The following UQCC1 variants were observed in gnomAD, a reference collection of about 807,000 sequenced individuals.
The protein encoded by UQCC1 is ubiquinol-cytochrome c reductase complex assembly factor 1, also known as bFGF-repressed Zic-binding protein.
UQCC1 carries 38 observed loss-of-function variants against 48.0 expected under a neutral mutation model. The observed-to-expected ratio is 0.79, with a 90% CI of 0.61 to 1.04. UQCC1 has a LOEUF of 1.04. Among genes scored for constraint, UQCC1 ranks in the 50% least tolerant of loss-of-function variants. UQCC1 has a pLI of 0.00. For missense variants in UQCC1, 368 were observed against 381.8 expected, an observed-to-expected ratio of 0.96 and a Z score of 0.30; for synonymous variants, 111 against 129.2, an observed-to-expected ratio of 0.86 and a Z score of 0.95.
chr20:35,378,851 A>G (rs1300777861), intron 4 of UQCC1, among the ~76,000 whole-genome samples: 1 of 152,204 alleles, frequency 6.6e-6, no homozygotes, highest in Non-Finnish European at 1.5e-5. Context: ...ACATTCATTG[A>G]ACATTATTCT....
At chr20:35,346,969 T>C in intron 7 of UQCC1, 195 bp downstream of exon 7, 1 of 1,518,694 alleles carries the variant, frequency 6.6e-7, no homozygotes. Context: ...CTATAATGTG[T>C]ACAAACACAT....
intron 6 of UQCC1, among the ~76,000 whole-genome samples, chr20:35,365,066 T>A (rs1339868913): frequency 6.6e-6 from 1 of 152,166 alleles, no homozygotes; most frequent in East Asian, 1.9e-4. Flanking sequence ...GCCTTACCCT[T>A]CACCATTCAG....
At chr20:35,306,543 G>A in intron 9 of UQCC1, 123 bp downstream of exon 9, 6 of 734,698 alleles carry the variant, frequency 8.2e-6, no homozygotes, top group Non-Finnish European at 1.4e-5. Context: ...TAGTGCTGAT[G>A]TGATCTGGTC....
intron 7 of UQCC1, among the ~76,000 whole-genome samples, chr20:35,329,852 C>T (rs990742927): frequency 6.6e-6 from 1 of 152,214 alleles, no homozygotes; most frequent in African/African-American, 2.4e-5. Flanking sequence ...CTTACTACTG[C>T]AACCACTGCT....
intron 8 of UQCC1, among the ~76,000 whole-genome samples, chr20:35,309,637 C>T (rs1267102033): frequency 6.6e-6 from 1 of 152,160 alleles, no homozygotes; most frequent in Non-Finnish European, 1.5e-5. Context: ...TAATCGGGTG[C>T]CTACTTGTTT....
At chr20:35,400,031 T>G (rs2062139645) in intron 1 of UQCC1, among the ~76,000 whole-genome samples, 1 of 146,476 alleles carries the variant, frequency 6.8e-6, no homozygotes, top group Non-Finnish European at 1.5e-5. Context: ...ATTCAAGCAA[T>G]TCTCCTGCCT....
chr20:35,350,245 G>A (rs527360002), intron 6 of UQCC1, among the ~76,000 whole-genome samples: 35 of 151,984 alleles, frequency 2.3e-4, no homozygotes, highest in African/African-American at 8.2e-4. Context: ...CTTCCACCTC[G>A]GCCTCCCAAA....
intron 7 of UQCC1, among the ~76,000 whole-genome samples, chr20:35,331,098 T>C (rs1350247454): frequency 6.6e-6 from 1 of 152,108 alleles, no homozygotes; most frequent in Non-Finnish European, 1.5e-5. Flanking sequence ...CTGAAGAATC[T>C]TAGCAAAACG....
chr20:35,318,369 C>T, intron 7 of UQCC1, among the ~76,000 whole-genome samples: 1 of 152,230 alleles, frequency 6.6e-6, no homozygotes, highest in East Asian at 1.9e-4. Flanking sequence ...TTACCATCTG[C>T]AGGGCATTTC....
intron 2 of UQCC1, among the ~76,000 whole-genome samples, chr20:35,388,308 T>TTTTTTTTTTTGG (rs67663221): frequency 8.2e-6 from 1 of 121,248 alleles, no homozygotes; most frequent in South Asian, 2.6e-4. Flanking sequence ...TCTTTTTTTT[T>TTTTTTTTTTTGG]GAGACAGGGT....
At chr20:35,384,004 C>G (rs2061907419) in intron 3 of UQCC1, 34 bp downstream of exon 3, 1 of 1,573,126 alleles carries the variant, frequency 6.4e-7, no homozygotes, top group East Asian at 2.3e-5. Context: ...TGTGAAAGCA[C>G]TCTATAAACA....
intron 2 of UQCC1, among the ~76,000 whole-genome samples, chr20:35,390,024 T>C (rs1411162729): frequency 3.3e-5 from 5 of 152,168 alleles, no homozygotes; most frequent in Non-Finnish European, 7.4e-5. Context: ...TGCTACAACA[T>C]AGATGAACCT....
intron 2 of UQCC1, among the ~76,000 whole-genome samples, chr20:35,393,390 C>T (rs1431125526): frequency 1.3e-5 from 2 of 151,536 alleles, no homozygotes; most frequent in Non-Finnish European, 1.5e-5. Flanking sequence ...GAATAATGTC[C>T]ACTCTAATAA....
intron 4 of UQCC1, among the ~76,000 whole-genome samples, chr20:35,379,721 G>T (rs542545691): frequency 6.6e-6 from 1 of 152,216 alleles, no homozygotes; most frequent in East Asian, 1.9e-4. Flanking sequence ...CAGGAAAATT[G>T]CTTGAACCTG....
At chr20:35,331,251 T>C (rs2146347271) in intron 7 of UQCC1, among the ~76,000 whole-genome samples, 1 of 152,106 alleles carries the variant, frequency 6.6e-6, no homozygotes, top group African/African-American at 2.4e-5. Context: ...GCCCAAGGCC[T>C]AGGAAAGGGG....
intron 2 of UQCC1, among the ~76,000 whole-genome samples, chr20:35,386,865 C>T (rs1471182965): frequency 6.6e-6 from 1 of 151,742 alleles, no homozygotes; most frequent in Non-Finnish European, 1.5e-5. Flanking sequence ...TTCTCCACAC[C>T]TACACACTTA....
At chr20:35,373,568 A>G (rs1195876394) in intron 5 of UQCC1, among the ~76,000 whole-genome samples, 2 of 151,740 alleles carry the variant, frequency 1.3e-5, no homozygotes, top group Non-Finnish European at 2.9e-5. Context: ...AATCCCAGCT[A>G]TTCGGGAGGC....
At chr20:35,372,405 T>C (rs1239711809) in intron 5 of UQCC1, among the ~76,000 whole-genome samples, 1 of 152,120 alleles carries the variant, frequency 6.6e-6, no homozygotes, top group Non-Finnish European at 1.5e-5. Flanking sequence ...TAACTTATCC[T>C]AGACTAACAA....
rs1186215401 is a variant in UQCC1, at chr20:35,347,311, C to T, written c.465-39G>A. 3.7e-6 allele frequency: 6 copies of T among 1,608,234 alleles called. No individual in the cohort carries two copies. In the East Asian group the frequency reaches 1.3e-4, roughly 36 times the overall value. On this transcript the variant is annotated intron_variant, in intron 6 of 9. Coordinates refer to ENST00000374385, the MANE Select transcript of UQCC1 (RefSeq NM_018244.5). ...AGACAAAAAAAGTCTTGGCTGTTTG[C>T]ATTTTTCACATCACACATTTCCACT...
Sources: allele counts gnomAD v4.1 joint callset (sites outside exome capture counted in the v4.1 genomes callset), GRCh38; gene constraint gnomAD v4.1.1; transcripts MANE v1.5; gene names NCBI Gene and HGNC (gene_info 2026-07-23, HGNC 2026-07-21).